Variants in KCNT2 observed in about 807,000 individuals in gnomAD.
KCNT2 encodes potassium channel subfamily T member 2.
KCNT2 carries 67 observed loss-of-function variants against 153.8 expected under a neutral mutation model. The observed-to-expected ratio is 0.44, with a 90% CI of 0.36 to 0.53. The LOEUF is 0.53. Ranked by LOEUF, KCNT2 falls within the 20% of genes least tolerant of loss-of-function variation. KCNT2 has a pLI of 0.00. For missense variants in KCNT2, 975 were observed against 1,354.8 expected (o/e 0.72, Z 4.40); for synonymous variants, 500 against 458.8 (o/e 1.09, Z -1.15).
chr1:196,494,121 T>C (rs1249234641), intron 1 of KCNT2, among the ~76,000 whole-genome samples: 1 of 152,180 alleles, frequency 6.6e-6, no homozygotes, highest in Non-Finnish European at 1.5e-5. Flanking sequence ...CAAAACTTCA[T>C]CGGTGTCTTG....
chr1:196,533,659 C>T (rs1655209075), intron 1 of KCNT2, among the ~76,000 whole-genome samples: 1 of 152,000 alleles, frequency 6.6e-6, no homozygotes, highest in African/African-American at 2.4e-5. Flanking sequence ...AAAAATAATC[C>T]TCAGCTTGGG....
chr1:196,423,857 T>G (rs1248516120), intron 11 of KCNT2, among the ~76,000 whole-genome samples: 2 of 151,904 alleles, frequency 1.3e-5, no homozygotes, highest in Non-Finnish European at 2.9e-5. Context: ...TTGGATAACT[T>G]TCTTTAAACA....
At chr1:196,360,187 G>T (rs1293563250) in intron 14 of KCNT2, among the ~76,000 whole-genome samples, 1 of 151,908 alleles carries the variant, frequency 6.6e-6, no homozygotes, top group African/African-American at 2.4e-5. Context: ...TAAAAAGTAA[G>T]ATTAAGAACT....
intron 1 of KCNT2, among the ~76,000 whole-genome samples, chr1:196,509,055 G>C (rs955920188): frequency 6.6e-6 from 1 of 152,080 alleles, no homozygotes; most frequent in Non-Finnish European, 1.5e-5. Flanking sequence ...GATCACCTGA[G>C]GTCAGCAGTT....
At chr1:196,568,820 C>T (rs1352029925) in intron 1 of KCNT2, among the ~76,000 whole-genome samples, 3 of 150,528 alleles carry the variant, frequency 2.0e-5, no homozygotes, top group African/African-American at 4.9e-5. Flanking sequence ...ATAATTGAAG[C>T]AAATAGTAAA....
chr1:196,605,487 A>C (rs983208691), intron 1 of KCNT2, among the ~76,000 whole-genome samples: 1 of 152,178 alleles, frequency 6.6e-6, no homozygotes, highest in Non-Finnish European at 1.5e-5. Flanking sequence ...TTGTTCTCCA[A>C]GCAGGACTTG....
intron 1 of KCNT2, among the ~76,000 whole-genome samples, chr1:196,492,816 G>C (rs1454589478): frequency 1.3e-5 from 2 of 152,096 alleles, no homozygotes; most frequent in East Asian, 3.9e-4. Flanking sequence ...AAAGGGCAGG[G>C]CCTAATAATC....
chr1:196,336,544 C>G (rs1282063713), intron 16 of KCNT2, among the ~76,000 whole-genome samples: 1 of 152,120 alleles, frequency 6.6e-6, no homozygotes, highest in Non-Finnish European at 1.5e-5. Flanking sequence ...TCAACACAAG[C>G]TACAAATCCA....
chr1:196,313,605 G>T (rs1300585199), intron 21 of KCNT2, among the ~76,000 whole-genome samples: 1 of 151,462 alleles, frequency 6.6e-6, no homozygotes, highest in African/African-American at 2.4e-5. Context: ...ATAAATGTCT[G>T]TCTTACTTTT....
intron 27 of KCNT2, among the ~76,000 whole-genome samples, chr1:196,228,562 A>T (rs1653672891): frequency 6.6e-6 from 1 of 152,118 alleles, no homozygotes; most frequent in African/African-American, 2.4e-5. Context: ...AATGCTGATG[A>T]ATCAAGCACT....
intron 8 of KCNT2, among the ~76,000 whole-genome samples, chr1:196,437,834 C>T (rs1168788947): frequency 6.6e-6 from 1 of 151,404 alleles, no homozygotes; most frequent in Non-Finnish European, 1.5e-5. Flanking sequence ...TAATGTTTTA[C>T]TAGCCAAGCA....
intron 5 of KCNT2, among the ~76,000 whole-genome samples, chr1:196,475,341 A>G (rs1678436568): frequency 6.6e-6 from 1 of 152,182 alleles, no homozygotes; most frequent in Non-Finnish European, 1.5e-5. Context: ...TTAGCCAGGC[A>G]TGGTGGCTCA....
chr1:196,414,893 C>T (rs759881652), intron 12 of KCNT2, among the ~76,000 whole-genome samples: 1 of 151,890 alleles, frequency 6.6e-6, no homozygotes, highest in South Asian at 2.1e-4. Flanking sequence ...CCTCCCAAGA[C>T]ACTGGCTGTG....
intron 1 of KCNT2, among the ~76,000 whole-genome samples, chr1:196,561,070 T>C (rs1225740379): frequency 6.6e-6 from 1 of 151,852 alleles, no homozygotes; most frequent in Non-Finnish European, 1.5e-5. Context: ...AGTGACCTAA[T>C]GATGAATTAC....
chr1:196,293,252 A>G (rs1049407215), intron 22 of KCNT2, among the ~76,000 whole-genome samples: 1 of 152,228 alleles, frequency 6.6e-6, no homozygotes, highest in African/African-American at 2.4e-5. Flanking sequence ...GTCATTTTTC[A>G]CAGAATTTTG....
At chr1:196,420,235 A>T (rs1028019769) in intron 12 of KCNT2, among the ~76,000 whole-genome samples, 36 of 151,900 alleles carry the variant, frequency 2.4e-4, no homozygotes, top group African/African-American at 8.0e-4. Context: ...GATCTAGTCT[A>T]CTATTCTTAT....
rs77992043 is a variant in KCNT2, at chr1:196,474,535, C to T, written c.384+4644G>A. 5.1e-3 allele frequency among the ~76,000 whole-genome samples: 770 copies of T among 152,116 alleles called. 4 individuals carry two copies. Among genetic ancestry groups the T allele is most frequent in the African/African-American group, 0.018 (733 of 41,492 alleles). ...CTGGACTAAATTCTTTGTTCTTTTC[C>T]AGAAATAAACCAGTGTGGTGTTAAA... On this transcript the variant is annotated intron_variant, in intron 5 of 27. Transcript: ENST00000294725.
intron 1 of KCNT2, among the ~76,000 whole-genome samples, chr1:196,508,189 C>CAAAAAAAAAAAAAAAAAAAAAAAAAAAAA (rs10539910): frequency 1.7e-5 from 1 of 59,978 alleles, no homozygotes; most frequent in African/African-American, 6.8e-5. Flanking sequence ...CCCTAAGTAG[C>CAAAAAAAAAAAAAAAAAAAAAAAAAAAAA]AAAAAAAAAA....
At chr1:196,514,135 G>A (rs930634974) in intron 1 of KCNT2, among the ~76,000 whole-genome samples, 1 of 152,102 alleles carries the variant, frequency 6.6e-6, no homozygotes, top group African/African-American at 2.4e-5. Context: ...TGTGAGGGCA[G>A]GAATTATTTC....
Sources: allele counts gnomAD v4.1 joint callset (sites outside exome capture counted in the v4.1 genomes callset), GRCh38; gene constraint gnomAD v4.1.1; transcripts MANE v1.5; gene names NCBI Gene and HGNC (gene_info 2026-07-23, HGNC 2026-07-21).